The following RPS6KC1 variants were observed in gnomAD, a reference collection of about 807,000 sequenced individuals.
RPS6KC1 encodes the protein ribosomal protein S6 kinase C1.
A neutral mutation model predicts 103.8 loss-of-function variants in RPS6KC1; 54 were observed. The observed-to-expected ratio is 0.52, with a 90% CI of 0.42 to 0.65. RPS6KC1 has a LOEUF of 0.65. RPS6KC1 is among the 30% of genes least tolerant of loss of function. RPS6KC1 has a pLI of 0.00. For synonymous variants in RPS6KC1, 439 were observed against 438.7 expected (o/e 1.00, Z -0.01); for missense variants, 1,151 against 1,253.8 (o/e 0.92, Z 1.24).
chr1:213,854,507 T>A, the RPS6KC1 span, among the ~76,000 whole-genome samples: 1 of 148,720 alleles, frequency 6.7e-6, no homozygotes, highest in Non-Finnish European at 1.5e-5. Context: ...AATCTCTTTC[T>A]TTCTCTTTCT....
the RPS6KC1 span, chr1:213,841,059 TAA>T: frequency 1.3e-5 from 2 of 152,204 alleles, no homozygotes; most frequent in Non-Finnish European, 2.9e-5. Context: ...CTCCCAAAAG[TAA>T]AATAAATGTT....
chr1:213,523,106 G>T, the RPS6KC1 span, among the ~76,000 whole-genome samples: 3 of 152,200 alleles, frequency 2.0e-5, no homozygotes, highest in South Asian at 6.2e-4. Context: ...CCATTGTAGG[G>T]ATATTAATTG....
At chr1:213,742,006 C>A in the RPS6KC1 span, among the ~76,000 whole-genome samples, 1 of 151,834 alleles carries the variant, frequency 6.6e-6, no homozygotes, top group Non-Finnish European at 1.5e-5. Flanking sequence ...TATCAAAATC[C>A]CTAGAGGAGG....
At chr1:213,302,039 A>T in the RPS6KC1 span, among the ~76,000 whole-genome samples, 1 of 151,998 alleles carries the variant, frequency 6.6e-6, no homozygotes, top group African/African-American at 2.4e-5. Flanking sequence ...CCCGGCCAAG[A>T]CCCCATTTAT....
At chr1:213,704,337 G>A in the RPS6KC1 span, among the ~76,000 whole-genome samples, 1 of 132,932 alleles carries the variant, frequency 7.5e-6, no homozygotes, top group Non-Finnish European at 1.5e-5. Context: ...GCAGTGAGCC[G>A]AGATTGCGCC....
chr1:213,142,067 A>G (rs2087117068), intron 6 of RPS6KC1, among the ~76,000 whole-genome samples: 1 of 152,064 alleles, frequency 6.6e-6, no homozygotes, highest in East Asian at 1.9e-4. Flanking sequence ...TGTTGGGTGC[A>G]TATATATTTA....
chr1:213,541,216 A>G, the RPS6KC1 span, among the ~76,000 whole-genome samples: 1 of 151,358 alleles, frequency 6.6e-6, no homozygotes. Flanking sequence ...GTCAGAAGGC[A>G]CACAACATTT....
the RPS6KC1 span, among the ~76,000 whole-genome samples, chr1:213,340,926 A>G: frequency 1.3e-5 from 2 of 152,270 alleles, no homozygotes; most frequent in South Asian, 2.1e-4. Flanking sequence ...AGGTGGGGCC[A>G]TGGTCAGAGT....
chr1:213,443,964 C>T, the RPS6KC1 span, among the ~76,000 whole-genome samples: 1 of 152,112 alleles, frequency 6.6e-6, no homozygotes, highest in South Asian at 2.1e-4. Context: ...CAAAGTATCA[C>T]AAACGAGTGG....
At chr1:213,104,233 G>C (rs147820477) in intron 3 of RPS6KC1, among the ~76,000 whole-genome samples, 21 of 152,182 alleles carry the variant, frequency 1.4e-4, no homozygotes, top group Admixed American at 4.6e-4. Flanking sequence ...TTATTTATCG[G>C]TTGACACCTT....
At chr1:213,066,128 A>T (rs2078308617) in intron 1 of RPS6KC1, among the ~76,000 whole-genome samples, 1 of 152,226 alleles carries the variant, frequency 6.6e-6, no homozygotes, top group African/African-American at 2.4e-5. Context: ...CCCTATGCCT[A>T]GCGCAGTGCC....
At chr1:213,171,829 G>A (rs970033003) in intron 7 of RPS6KC1, among the ~76,000 whole-genome samples, 1 of 152,138 alleles carries the variant, frequency 6.6e-6, no homozygotes, top group Non-Finnish European at 1.5e-5. Context: ...CTCAGGAGAC[G>A]GGGTATTAGG....
chr1:213,103,580 G>A, intron 3 of RPS6KC1, among the ~76,000 whole-genome samples: 1 of 152,172 alleles, frequency 6.6e-6, no homozygotes, highest in East Asian at 1.9e-4. Context: ...TAGTGGTTCA[G>A]TTTCACTTGC....
chr1:213,738,649 A>G, the RPS6KC1 span, among the ~76,000 whole-genome samples: 1 of 151,952 alleles, frequency 6.6e-6, no homozygotes, highest in African/African-American at 2.4e-5. Flanking sequence ...GAGAAAGCTG[A>G]TGCACAACAG....
the RPS6KC1 span, among the ~76,000 whole-genome samples, chr1:213,716,146 A>C: frequency 6.6e-6 from 1 of 152,310 alleles, no homozygotes; most frequent in African/African-American, 2.4e-5. Flanking sequence ...ATAAAAGTCT[A>C]TTCAGTTTAT....
chr1:213,649,506 G>C, the RPS6KC1 span, among the ~76,000 whole-genome samples: 1 of 151,998 alleles, frequency 6.6e-6, no homozygotes, highest in African/African-American at 2.4e-5. Flanking sequence ...TGATGCTATT[G>C]TTCCCTGCTC....
At chr1:213,542,876 A>G in the RPS6KC1 span, among the ~76,000 whole-genome samples, 1 of 152,224 alleles carries the variant, frequency 6.6e-6, no homozygotes, top group Admixed American at 6.5e-5. Context: ...CTGGAAAGAT[A>G]TAGCTTGGGT....
intron 1 of RPS6KC1, among the ~76,000 whole-genome samples, chr1:213,054,495 T>C (rs1572213525): frequency 6.6e-6 from 1 of 152,374 alleles, no homozygotes; most frequent in East Asian, 1.9e-4. Flanking sequence ...AATAGTGCTC[T>C]CCTGAGAGAA....
At chr1:213,362,576 G>A in the RPS6KC1 span, among the ~76,000 whole-genome samples, 2 of 152,164 alleles carry the variant, frequency 1.3e-5, no homozygotes, top group Non-Finnish European at 2.9e-5. Context: ...CATGCCATGG[G>A]CAAACACGTG....
Sources: allele counts gnomAD v4.1 joint callset (sites outside exome capture counted in the v4.1 genomes callset), GRCh38; gene constraint gnomAD v4.1.1; transcripts MANE v1.5; gene names NCBI Gene and HGNC (gene_info 2026-07-23, HGNC 2026-07-21).